The following SPRING1 variants were observed in gnomAD, a reference collection of about 807,000 sequenced individuals.
The protein encoded by SPRING1 is SREBP regulating gene protein.
Under a neutral mutation model 24.7 loss-of-function variants are expected in SPRING1, and 14 were observed. The ratio of observed to expected loss-of-function variants is 0.57; its 90% CI spans 0.37 to 0.88. The LOEUF is 0.88. Ranked by LOEUF, SPRING1 falls within the 40% of genes least tolerant of loss-of-function variation. The pLI is 0.00. For missense variants in SPRING1, 255 were observed against 268.4 expected (o/e 0.95, Z 0.35); for synonymous variants, 93 against 106.1 (o/e 0.88, Z 0.76).
In SPRING1 at chr12:116,710,178, A is replaced by T. The variant is rs1382314086; in HGVS notation, c.*7632T>A. 3 of 152,268 alleles carry T rather than the reference A, an allele frequency of 2.0e-5. No individual in the cohort carries two copies. Among genetic ancestry groups the T allele is most frequent in the Admixed American group, 6.5e-5 (1 of 15,294 alleles). The allele number at this position is 152,268 out of a possible 1,614,324, so 9.4% of individuals were successfully genotyped here. On this transcript the variant is annotated 3_prime_UTR_variant, in exon 5 of 5. Coordinates refer to ENST00000261318, the MANE Select transcript of SPRING1 (RefSeq NM_024738.4). ...CAATCTAACAGGAGCTAATTATTTT[A>T]AAATAATATGGACAGCAGGGTCCTA...
rs756573910 is a variant in SPRING1, at chr12:116,719,721, G to A, written c.534+42C>T. On this transcript the variant is annotated intron_variant, in intron 4 of 4. Transcript: ENST00000261318. ...GTATTTTCTAGTTTCCTTCTAACCCGTCAGCTGCCATCCCACAGCTAGAGA... is the reference window on the plus strand; with the variant it reads ...GTATTTTCTAGTTTCCTTCTAACCCATCAGCTGCCATCCCACAGCTAGAGA... 34 of 1,530,894 alleles carry A rather than the reference G, an allele frequency of 2.2e-5. 1 individual carries two copies. The highest frequency in any genetic ancestry group is 1.8e-4 in the Middle Eastern group (1 of 5,606). 94.8% of individuals were successfully genotyped at this position (1,530,894 alleles called of 1,614,324 possible).
In SPRING1 at chr12:116,715,117, T is replaced by C. The variant is rs1870062464; in HGVS notation, c.*2693A>G. The C allele has an allele frequency of 6.6e-6, 1 of 152,034 alleles. No homozygotes were observed. Among genetic ancestry groups the C allele is most frequent in the Non-Finnish European group, 1.5e-5 (1 of 68,036 alleles). The allele number at this position is 152,034 out of a possible 1,614,324, so 9.4% of individuals were successfully genotyped here. A position where few individuals can be genotyped will look rare whatever the true frequency, so the allele number is the denominator to read the frequency against. On this transcript the variant is annotated 3_prime_UTR_variant, in exon 5 of 5. Transcript: ENST00000261318. ...ACCCGGCTAATTTTTGTATTTTTAG[T>C]ATAGATGGGGTTTCACCATATTGGT...
In SPRING1 at chr12:116,736,177, A is replaced by G. The variant is rs983395880; in HGVS notation, c.111+1613T>C. Among the ~76,000 whole-genome samples, 10 of 151,534 alleles carry G rather than the reference A, an allele frequency of 6.6e-5. No individual in the cohort carries two copies. In the East Asian group the frequency reaches 1.8e-3, roughly 27 times the overall value. ...AATTTGGGGATTTCTGGACAGATCT[A>G]GGCTGTTGTTATCAACTACTGGCAT... On this transcript the variant is annotated intron_variant, in intron 1 of 4. Transcript: ENST00000261318.
Position 116,713,125 on chromosome 12 carries a change from A to C in SPRING1, c.*4685T>G, listed in dbSNP as rs1869946168. The C allele has an allele frequency of 6.6e-6, 1 of 152,094 alleles. No individual in the cohort carries two copies. Among genetic ancestry groups the C allele is most frequent in the African/African-American group, 2.4e-5 (1 of 41,396 alleles). The allele number at this position is 152,094 out of a possible 1,614,324, so 9.4% of individuals were successfully genotyped here. On this transcript the variant is annotated 3_prime_UTR_variant, in exon 5 of 5. Coordinates refer to ENST00000261318, the MANE Select transcript of SPRING1 (RefSeq NM_024738.4). ...TGGGCACCATCCCTGGCCTCCCTCC[A>C]CGAGTGCCCACAGTACTGCCCTCCT...
At chr12:116,719,981 G>A (rs1318986617) in intron 3 of SPRING1, 105 bp from the exon 4 acceptor site, 3 of 1,013,630 alleles carry the variant, frequency 3.0e-6, no homozygotes, top group South Asian at 1.4e-5. Context: ...GGGAAGGGGG[G>A]AAGAGGAGGA....
At chr12:116,737,697 G>A in intron 1 of SPRING1, 93 bp downstream of exon 1, 1 of 1,324,486 alleles carries the variant, frequency 7.6e-7, no homozygotes, top group Non-Finnish European at 9.9e-7. Flanking sequence ...AGGAAAAAAG[G>A]AGGAAGGTAA....
rs906473674 is a variant in SPRING1 at position 116,728,118 on chromosome 12, G to A, written c.112-4895C>T. 2.6e-4 allele frequency among the ~76,000 whole-genome samples: 40 copies of A among 152,166 alleles called. No individual in the cohort carries two copies. Among genetic ancestry groups the A allele is most frequent in the Non-Finnish European group, 4.3e-4 (29 of 68,042 alleles). Reference sequence around the variant, plus strand: ...CACGTATGAGAACATCTGGTTACACGAGAGGAACTCTAAGGACCCTTCTGA... The same window carrying A: ...CACGTATGAGAACATCTGGTTACACAAGAGGAACTCTAAGGACCCTTCTGA... On this transcript the variant is annotated intron_variant, in intron 1 of 4. Transcript: ENST00000261318. This position sits in a 1 kb window ranked among gnomAD's most constrained non-coding sequence, Gnocchi z 4.2.
intron 1 of SPRING1, among the ~76,000 whole-genome samples, chr12:116,730,558 T>C (rs1870927327): frequency 6.6e-6 from 1 of 152,204 alleles, no homozygotes; most frequent in Non-Finnish European, 1.5e-5. Context: ...CTGTATGATA[T>C]GTGAATTATA....
At chr12:116,732,770 G>A (rs1871042320) in intron 1 of SPRING1, among the ~76,000 whole-genome samples, 2 of 152,178 alleles carry the variant, frequency 1.3e-5, no homozygotes, top group African/African-American at 2.4e-5. Flanking sequence ...AAGGTTGTAT[G>A]TTACCCATTT....
rs569663223 is a variant in SPRING1 at position 116,722,595 on chromosome 12, A to G, written c.268+472T>C. Among the ~76,000 whole-genome samples the G allele has an allele frequency of 2.0e-5, 3 of 152,372 alleles. No homozygotes were observed. The South Asian group carries it at 6.2e-4, about 32-fold the overall frequency. ...TGTGATCTGAAAAATATAGCTTGTC[A>G]CTGGCATCACTGCTGAGTTGGGAAT... On this transcript the variant is annotated intron_variant, in intron 2 of 4. Transcript: ENST00000261318.
Position 116,711,028 on chromosome 12 carries a change from C to CACACACACGCAT in SPRING1, c.*6781_*6782insATGCGTGTGTGT, listed in dbSNP as rs1555254868. ...TGTTACACACACACACACACACACA[C>CACACACACGCAT]GCACACACAGAGCCAATGTATGGAA... On this transcript the variant is annotated 3_prime_UTR_variant, in exon 5 of 5. Coordinates refer to ENST00000261318, the MANE Select transcript of SPRING1 (RefSeq NM_024738.4). 64 of 151,880 alleles carry CACACACACGCAT rather than the reference C, an allele frequency of 4.2e-4. No homozygotes were observed. The highest frequency in any genetic ancestry group is 1.5e-3 in the African/African-American group (61 of 41,332). 9.4% of individuals were successfully genotyped at this position (151,880 alleles called of 1,614,324 possible). A position where few individuals can be genotyped will look rare whatever the true frequency, so the allele number is the denominator to read the frequency against.
chr12:116,723,366 G>T, intron 1 of SPRING1, 143 bp from the exon 2 acceptor site: 1 of 986,170 alleles, frequency 1.0e-6, no homozygotes, highest in Non-Finnish European at 1.5e-6. Flanking sequence ...CCTGGTACAA[G>T]CAAAGCCTGA....
intron 1 of SPRING1, among the ~76,000 whole-genome samples, chr12:116,724,437 C>T (rs777103046): frequency 6.6e-6 from 1 of 152,240 alleles, no homozygotes; most frequent in Non-Finnish European, 1.5e-5. Context: ...TGAAACCTGC[C>T]GGGTGTGGTG....
At chr12:116,731,382 CT>C (rs1870968754) in intron 1 of SPRING1, among the ~76,000 whole-genome samples, 2 of 152,268 alleles carry the variant, frequency 1.3e-5, no homozygotes, top group South Asian at 2.1e-4. Context: ...TGCAGATCCC[CT>C]GACAGAGTCT....
chr12:116,735,957 T>C (rs1871197708), intron 1 of SPRING1, among the ~76,000 whole-genome samples: 1 of 145,430 alleles, frequency 6.9e-6, no homozygotes, highest in Admixed American at 7.0e-5. Context: ...AGGAGAATCA[T>C]TTGAACCCGG....
chr12:116,727,860 G>A (rs748058060), intron 1 of SPRING1, among the ~76,000 whole-genome samples: 4 of 152,002 alleles, frequency 2.6e-5, no homozygotes, highest in Non-Finnish European at 5.9e-5. Flanking sequence ...TGTGCAATAC[G>A]AGACAAACAT....
At chr12:116,736,112 GAAAA>G (rs35435981) in intron 1 of SPRING1, among the ~76,000 whole-genome samples, 1 of 135,938 alleles carries the variant, frequency 7.4e-6, no homozygotes, top group East Asian at 2.1e-4. Context: ...AAAAAAAATT[GAAAA>G]AAAAAAAAGA....
chr12:116,721,466 A>G (rs1414621238), intron 2 of SPRING1, among the ~76,000 whole-genome samples: 2 of 152,250 alleles, frequency 1.3e-5, no homozygotes, highest in East Asian at 1.9e-4. Flanking sequence ...TCTGTTCAAA[A>G]GCAGGAGGCA....
At chr12:116,721,166 ATCT>A (rs2137033311) in intron 2 of SPRING1, among the ~76,000 whole-genome samples, 1 of 152,274 alleles carries the variant, frequency 6.6e-6, no homozygotes, top group East Asian at 1.9e-4. Context: ...TAGAGAAAAA[ATCT>A]TCTTACAAAA....
Sources: allele counts gnomAD v4.1 joint callset (sites outside exome capture counted in the v4.1 genomes callset), GRCh38; gene constraint gnomAD v4.1.1; non-coding constraint Gnocchi (gnomAD v3.1); transcripts MANE v1.5; gene names NCBI Gene and HGNC (gene_info 2026-07-23, HGNC 2026-07-21).